The following TNKS variants were observed in gnomAD, a reference collection of about 807,000 sequenced individuals.
TNKS encodes tankyrase, also known as poly [ADP-ribose] polymerase tankyrase-1.
In TNKS, 72 loss-of-function variants were observed where a neutral mutation model predicts 135.8. The ratio of observed to expected loss-of-function variants is 0.53; its 90% confidence interval spans 0.44 to 0.64. The LOEUF (loss-of-function observed/expected upper bound fraction) is 0.64, where lower values mean the gene tolerates loss of function less well. Among genes scored for constraint, TNKS ranks in the 30% least tolerant of loss-of-function variants. The probability of loss-of-function intolerance (pLI) is 0.00; values close to 1 mark genes in which losing one functional copy is unlikely to be tolerated. For missense variants in TNKS, 1,769 were observed against 1,674.0 expected, an observed-to-expected ratio of 1.06 and a Z score of -0.99; for synonymous variants, 849 against 649.3, an observed-to-expected ratio of 1.31 and a Z score of -4.68.
At chr8:9,668,709 A>G (rs1006569788) in intron 3 of TNKS, among the ~76,000 whole-genome samples, 1 of 152,200 alleles carries the variant, frequency 6.6e-6, no homozygotes, top group African/African-American at 2.4e-5. Context: ...ACAAGTGCAA[A>G]TGATTGGAGC....
At chr8:9,622,995 A>G (rs968765189) in intron 3 of TNKS, among the ~76,000 whole-genome samples, 8 of 152,176 alleles carry the variant, frequency 5.3e-5, no homozygotes, top group African/African-American at 1.9e-4. Context: ...TAACAACCAT[A>G]CCAATAATAA....
At chr8:9,670,261 C>T (rs766769165) in intron 3 of TNKS, 2 of 152,128 alleles carry the variant, frequency 1.3e-5, no homozygotes, top group Non-Finnish European at 2.9e-5. Flanking sequence ...TGGTATTTTG[C>T]ATTAGAAAGT....
At chr8:9,753,625 T>C (rs1202268819) in intron 20 of TNKS, among the ~76,000 whole-genome samples, 1 of 152,240 alleles carries the variant, frequency 6.6e-6, no homozygotes, top group Admixed American at 6.5e-5. Flanking sequence ...TGAATTTAAA[T>C]GGACTATTGA....
At chr8:9,741,968 G>T (rs566112436) in intron 17 of TNKS, among the ~76,000 whole-genome samples, 66 of 152,056 alleles carry the variant, frequency 4.3e-4, no homozygotes, top group African/African-American at 1.5e-3. Flanking sequence ...CTCTTTTTAT[G>T]GTATCCTCTT....
chr8:9,561,253 G>A (rs544030536), intron 1 of TNKS, among the ~76,000 whole-genome samples: 1 of 152,264 alleles, frequency 6.6e-6, no homozygotes, highest in Admixed American at 6.5e-5. Context: ...TGAAATCTGT[G>A]CAAATCTTAT....
chr8:9,565,576 A>T (rs190152055), intron 1 of TNKS, among the ~76,000 whole-genome samples: 1 of 152,256 alleles, frequency 6.6e-6, no homozygotes, highest in East Asian at 1.9e-4. Context: ...AATAAACTAA[A>T]CCAGCCAGGC....
chr8:9,598,763 GTGTATATATATA>G lies in TNKS; in HGVS notation c.899-16817_899-16806del, dbSNP rs1224975099. 1.0e-4 allele frequency among the ~76,000 whole-genome samples: 6 copies of G among 58,724 alleles called. 1 individual carries two copies. The highest frequency in any genetic ancestry group is 1.7e-4 in the Non-Finnish European group (5 of 29,196). The allele number at this position is 58,724 out of a possible 152,430, so 38.5% of individuals were successfully genotyped here. ...TGTGTGTATATATGTATATGTGTGT[GTGTATATATATA>G]TATATATATATATATATATATATAT... On this transcript the variant is annotated intron_variant, in intron 2 of 26. Coordinates refer to ENST00000310430, the MANE Select transcript of TNKS (RefSeq NM_003747.3).
At chr8:9,600,286 T>G (rs558914492) in intron 2 of TNKS, among the ~76,000 whole-genome samples, 2 of 152,092 alleles carry the variant, frequency 1.3e-5, no homozygotes, top group African/African-American at 4.8e-5. Flanking sequence ...TGAACTTTAT[T>G]TTTTTGAACT....
chr8:9,559,102 A>G (rs1797216830), intron 1 of TNKS, among the ~76,000 whole-genome samples: 1 of 152,202 alleles, frequency 6.6e-6, no homozygotes, highest in South Asian at 2.1e-4. Context: ...AAATACTGAC[A>G]CAATTGTGTA....
chr8:9,653,816 C>T (rs1397161572), intron 3 of TNKS, among the ~76,000 whole-genome samples: 1 of 152,146 alleles, frequency 6.6e-6, no homozygotes, highest in Non-Finnish European at 1.5e-5. Flanking sequence ...TCTGCTGGCT[C>T]CCCTCACTCT....
At chr8:9,596,711 C>G (rs779113984) in intron 2 of TNKS, among the ~76,000 whole-genome samples, 1 of 152,182 alleles carries the variant, frequency 6.6e-6, no homozygotes, top group Admixed American at 6.5e-5. Flanking sequence ...ACTTTTGTGT[C>G]AAGCCTGAAA....
At chr8:9,707,653 ATAGT>A (rs1425972243) in intron 8 of TNKS, among the ~76,000 whole-genome samples, 27 of 152,206 alleles carry the variant, frequency 1.8e-4, no homozygotes, top group East Asian at 3.8e-4. Context: ...TTGTTTCAGC[ATAGT>A]TAAAGATATA....
chr8:9,739,113 A>G (rs1805796740), intron 17 of TNKS, among the ~76,000 whole-genome samples: 1 of 142,612 alleles, frequency 7.0e-6, no homozygotes, highest in Non-Finnish European at 1.5e-5. Context: ...CAGAGTGAAC[A>G]GGCAACCTAC....
chr8:9,744,645 A>C (rs983927269), intron 17 of TNKS, among the ~76,000 whole-genome samples: 1 of 152,208 alleles, frequency 6.6e-6, no homozygotes, highest in Non-Finnish European at 1.5e-5. Context: ...TTCTAGTTCA[A>C]TACTTTGCTC....
Position 9,680,859 on chromosome 8 carries a change from G to T in TNKS, c.1107+59G>T. On this transcript the variant is annotated intron_variant, in intron 5 of 26. Transcript: ENST00000310430. ...CAATGCTTCAAAATTTTGTGAATGT[G>T]GCATATATATATATAAGCACGTATA... 5 of 1,306,022 alleles carry T rather than the reference G, an allele frequency of 3.8e-6. No individual in the cohort carries two copies. The South Asian group carries it at 6.0e-5, about 16-fold the overall frequency. 80.9% of individuals were successfully genotyped at this position (1,306,022 alleles called of 1,614,324 possible).
chr8:9,559,686 T>G (rs1044170254), intron 1 of TNKS, among the ~76,000 whole-genome samples: 15 of 152,160 alleles, frequency 9.9e-5, no homozygotes, highest in African/African-American at 3.6e-4. Flanking sequence ...TCCCACTTAC[T>G]TAAGTGAGAA....
intron 3 of TNKS, among the ~76,000 whole-genome samples, chr8:9,648,725 G>C (rs953140076): frequency 6.6e-6 from 1 of 152,082 alleles, no homozygotes; most frequent in African/African-American, 2.4e-5. Context: ...AATGTTATGG[G>C]ACTACTGTTG....
chr8:9,645,167 G>A (rs775432683), intron 3 of TNKS, among the ~76,000 whole-genome samples: 48 of 152,100 alleles, frequency 3.2e-4, no homozygotes, highest in Non-Finnish European at 5.6e-4. Flanking sequence ...GCAAAGGGGA[G>A]GACGGGTAAG....
chr8:9,720,662 C>G (rs1168375925), intron 12 of TNKS, 117 bp downstream of exon 12: 1 of 1,217,580 alleles, frequency 8.2e-7, no homozygotes, highest in African/African-American at 1.6e-5. Flanking sequence ...TCTTTTCTTG[C>G]AATTTAGCCT....
Sources: gnomAD v4.1 joint callset for allele counts (sites outside exome capture counted in the v4.1 genomes callset) on GRCh38, gnomAD v4.1.1 for gene constraint, MANE v1.5 for transcripts, NCBI Gene and HGNC (gene_info 2026-07-23, HGNC 2026-07-21) for gene names.